ESRRG: variants seen among roughly 807,000 people sequenced by gnomAD.
The protein encoded by ESRRG is estrogen related receptor gamma, also known as estrogen-related receptor gamma.
Under a neutral mutation model 44.0 loss-of-function variants are expected in ESRRG, and 13 were observed. The ratio of observed to expected loss-of-function variants is 0.30; its 90% CI spans 0.19 to 0.47. ESRRG has a LOEUF of 0.47. ESRRG is among the 20% of genes least tolerant of loss of function. The pLI, the probability that ESRRG is intolerant of heterozygous loss-of-function variation, is 1.00. For synonymous variants in ESRRG, 215 were observed against 214.6 expected, an observed-to-expected ratio of 1.00 and a Z score of -0.02; for missense variants, 395 against 580.6, an observed-to-expected ratio of 0.68 and a Z score of 3.29.
At chr1:216,597,561 C>T (rs1318332790) in intron 3 of ESRRG, among the ~76,000 whole-genome samples, 1 of 152,194 alleles carries the variant, frequency 6.6e-6, no homozygotes, top group African/African-American at 2.4e-5. Context: ...AATGCTGCTA[C>T]TCAGGTACCC....
intron 1 of ESRRG, among the ~76,000 whole-genome samples, chr1:216,706,696 G>C (rs534731369): frequency 6.6e-6 from 1 of 152,178 alleles, no homozygotes; most frequent in South Asian, 2.1e-4. Context: ...GATATTTCTG[G>C]CATATTCCGA....
At chr1:216,916,889 T>C in intron 2 of ESRRG, among the ~76,000 whole-genome samples, 1 of 114,072 alleles carries the variant, frequency 8.8e-6, no homozygotes, top group Non-Finnish European at 1.7e-5. Flanking sequence ...TTTTTTGCTA[T>C]GTAACTGACC....
intron 3 of ESRRG, among the ~76,000 whole-genome samples, chr1:216,642,900 T>C (rs2066735725): frequency 1.3e-5 from 2 of 152,170 alleles, no homozygotes. Flanking sequence ...CAAAAACAAA[T>C]CCACTTGTAA....
chr1:216,792,344 C>T (rs1054221255), intron 2 of ESRRG, among the ~76,000 whole-genome samples: 1 of 152,128 alleles, frequency 6.6e-6, no homozygotes, highest in Non-Finnish European at 1.5e-5. Context: ...GTAATACCAA[C>T]ATAATTTATT....
chr1:216,871,049 C>A (rs2096252945), intron 2 of ESRRG, among the ~76,000 whole-genome samples: 1 of 151,828 alleles, frequency 6.6e-6, no homozygotes, highest in South Asian at 2.1e-4. Context: ...TTTAGCTCTT[C>A]TTTTTCTATT....
upstream of ESRRG, among the ~76,000 whole-genome samples, chr1:217,089,810 G>C (rs941136986): frequency 6.6e-6 from 1 of 152,110 alleles, no homozygotes; most frequent in Non-Finnish European, 1.5e-5. Context: ...GAGGGGCAGA[G>C]GGGCGCCCAC....
chr1:217,012,005 C>T (rs986563517), intron 1 of ESRRG, among the ~76,000 whole-genome samples: 1 of 152,108 alleles, frequency 6.6e-6, no homozygotes, highest in African/African-American at 2.4e-5. Flanking sequence ...CACATTCAGG[C>T]TTTGAGGTAT....
chr1:216,788,852 ATG>A (rs1404730778), intron 2 of ESRRG, among the ~76,000 whole-genome samples: 1 of 152,164 alleles, frequency 6.6e-6, no homozygotes, highest in Non-Finnish European at 1.5e-5. Context: ...TCCAATTCTC[ATG>A]AATGACTTTA....
intron 2 of ESRRG, among the ~76,000 whole-genome samples, chr1:216,652,733 T>C (rs1331661150): frequency 6.6e-6 from 1 of 152,124 alleles, no homozygotes; most frequent in Non-Finnish European, 1.5e-5. Flanking sequence ...CAGCTAAGAA[T>C]AAAAGGATTT....
intron 2 of ESRRG, among the ~76,000 whole-genome samples, chr1:216,899,882 G>C (rs1262880611): frequency 6.6e-6 from 1 of 152,058 alleles, no homozygotes; most frequent in Non-Finnish European, 1.5e-5. Flanking sequence ...GGCCCAAAAG[G>C]TAGCTGGATT....
intron 2 of ESRRG, among the ~76,000 whole-genome samples, chr1:216,898,108 A>G (rs1395781168): frequency 1.3e-5 from 2 of 152,220 alleles, no homozygotes; most frequent in Non-Finnish European, 2.9e-5. Context: ...TGAGAAGTGC[A>G]GGGGGAAAAA....
chr1:216,939,228 CT>C (rs2064706132), intron 2 of ESRRG, among the ~76,000 whole-genome samples: 1 of 151,260 alleles, frequency 6.6e-6, no homozygotes, highest in Non-Finnish European at 1.5e-5. Context: ...CCTCAGCTTA[CT>C]GGTCAGTATA....
rs78903546 is a variant in ESRRG, at chr1:216,818,422, T to A, written c.-14+121160A>T. Reference sequence around the variant, plus strand: ...ATTGTAGAGGAATAAGGAACCATCATCTGGTTTGGCATGGGCACTTCTGGA... The same window carrying A: ...ATTGTAGAGGAATAAGGAACCATCAACTGGTTTGGCATGGGCACTTCTGGA... On this transcript the variant is annotated intron_variant, in intron 2 of 7. Transcript: ENST00000359162. 4.5e-3 allele frequency among the ~76,000 whole-genome samples: 692 copies of A among 152,256 alleles called. 3 individuals are homozygous for A. The highest frequency in any genetic ancestry group is 0.016 in the African/African-American group (658 of 41,548).
At chr1:216,839,708 T>C (rs1283294006) in intron 2 of ESRRG, among the ~76,000 whole-genome samples, 2 of 145,054 alleles carry the variant, frequency 1.4e-5, no homozygotes, top group Non-Finnish European at 3.0e-5. Context: ...GCTTCATGTA[T>C]TTTTCATTCA....
At chr1:216,610,465 T>A (rs192970299) in intron 3 of ESRRG, among the ~76,000 whole-genome samples, 128 of 152,234 alleles carry the variant, frequency 8.4e-4, no homozygotes, top group Admixed American at 2.2e-3. Context: ...AGCTTTAGCG[T>A]GATAAGACCA....
chr1:216,656,417 G>A (rs982775492), intron 2 of ESRRG, among the ~76,000 whole-genome samples: 7 of 152,210 alleles, frequency 4.6e-5, no homozygotes, highest in East Asian at 3.9e-4. Flanking sequence ...ATCTCCTGGC[G>A]GCTTTTCAAA....
chr1:217,034,226 A>T (rs1031415340), intron 1 of ESRRG, among the ~76,000 whole-genome samples: 3 of 152,126 alleles, frequency 2.0e-5, no homozygotes, highest in African/African-American at 7.2e-5. Context: ...TTGCAACTTG[A>T]ATTACATTTT....
intron 5 of ESRRG, among the ~76,000 whole-genome samples, chr1:216,541,024 G>C (rs552905049): frequency 6.6e-6 from 1 of 152,090 alleles, no homozygotes; most frequent in Non-Finnish European, 1.5e-5. Flanking sequence ...ACACTAATAA[G>C]AAAGATATGG....
chr1:217,121,162 G>A lies in ESRRG; in HGVS notation c.-230+16505C>T, dbSNP rs565852085. On this transcript the variant is annotated intron_variant, in intron 1 of 8. Transcript: ENST00000366940. ...CACACACACACACACTCATTTATCAGGCAGAAGGAACACATGAGCAGATAC... is the reference window on the plus strand; with the variant it reads ...CACACACACACACACTCATTTATCAAGCAGAAGGAACACATGAGCAGATAC... 3.3e-5 allele frequency among the ~76,000 whole-genome samples: 5 copies of A among 151,660 alleles called. No homozygotes were observed. In the South Asian group the frequency reaches 6.2e-4, roughly 19 times the overall value.
Sources: gnomAD v4.1 joint callset for allele counts (sites outside exome capture counted in the v4.1 genomes callset) on GRCh38, gnomAD v4.1.1 for gene constraint, MANE v1.5 for transcripts, NCBI Gene and HGNC (gene_info 2026-07-23, HGNC 2026-07-21) for gene names.